Variants in RIMS3 observed in about 807,000 individuals in gnomAD.
RIMS3 encodes regulating synaptic membrane exocytosis protein 3.
A neutral mutation model predicts 29.2 loss-of-function variants in RIMS3; 15 were observed. The ratio of observed to expected loss-of-function variants is 0.51; its 90% CI spans 0.34 to 0.79. The LOEUF (loss-of-function observed/expected upper bound fraction) is 0.79. Among genes scored for constraint, RIMS3 ranks in the 30% least tolerant of loss-of-function variants. RIMS3 has a pLI of 0.01. For synonymous variants in RIMS3, 161 were observed against 170.1 expected, an observed-to-expected ratio of 0.95 and a Z score of 0.41; for missense variants, 342 against 421.4, an observed-to-expected ratio of 0.81 and a Z score of 1.65.
At chr1:40,641,159 CA>C (rs1177224365) in intron 3 of RIMS3, among the ~76,000 whole-genome samples, 3 of 152,000 alleles carry the variant, frequency 2.0e-5, no homozygotes, top group African/African-American at 7.3e-5. Flanking sequence ...TTTTTTAAAC[CA>C]GGGGGTCTCA....
the RIMS3 span, among the ~76,000 whole-genome samples, chr1:40,682,577 G>A: frequency 1.3e-5 from 2 of 151,842 alleles, no homozygotes; most frequent in African/African-American, 4.8e-5. Context: ...TTCTCTCCCT[G>A]CCTGGAGTCC....
At chr1:40,673,330 G>T in the RIMS3 span, 1 of 152,176 alleles carries the variant, frequency 6.6e-6, no homozygotes, top group Non-Finnish European at 1.5e-5. Flanking sequence ...CACTCTCAGA[G>T]TCCATTCCAG....
intron 2 of RIMS3, among the ~76,000 whole-genome samples, chr1:40,642,787 C>T (rs1646567080): frequency 3.0e-5 from 3 of 99,228 alleles, no homozygotes; most frequent in Admixed American, 3.0e-4. Flanking sequence ...GAAACCCCAT[C>T]TCTACTAAAA....
At chr1:40,651,089 T>C (rs1646629484) in intron 1 of RIMS3, among the ~76,000 whole-genome samples, 1 of 152,174 alleles carries the variant, frequency 6.6e-6, no homozygotes, top group East Asian at 1.9e-4. Flanking sequence ...CCCTTTGTAC[T>C]GTCCCTGTGT....
Position 40,652,655 on chromosome 1 carries a change from G to A in RIMS3, c.-206-4813C>T, listed in dbSNP as rs371661924. Among the ~76,000 whole-genome samples the A allele has an allele frequency of 9.2e-5, 14 of 152,338 alleles. No homozygotes were observed. In the East Asian group the frequency reaches 1.2e-3, roughly 13 times the overall value. On this transcript the variant is annotated intron_variant, in intron 1 of 7. Transcript: ENST00000372684. Reference sequence around the variant, plus strand: ...TTGGAGAGGAGGTAGGTACAACTGCGGAACAGAGGGCTGGAAAGATAGGCT... The same window carrying A: ...TTGGAGAGGAGGTAGGTACAACTGCAGAACAGAGGGCTGGAAAGATAGGCT...
intron 1 of RIMS3, among the ~76,000 whole-genome samples, chr1:40,657,936 AAAAAT>A (rs1294204593): frequency 1.3e-5 from 2 of 152,096 alleles, no homozygotes; most frequent in African/African-American, 4.8e-5. Context: ...TATGTTTTAA[AAAAAT>A]AAAATAAAAT....
the RIMS3 span, among the ~76,000 whole-genome samples, chr1:40,674,777 G>A: frequency 4.6e-5 from 7 of 152,284 alleles, no homozygotes; most frequent in South Asian, 1.5e-3. Context: ...ACAGCAAGAA[G>A]GCCCTTGCCA....
chr1:40,655,333 T>C (rs1013385003), intron 1 of RIMS3, among the ~76,000 whole-genome samples: 1 of 152,028 alleles, frequency 6.6e-6, no homozygotes, highest in African/African-American at 2.4e-5. Context: ...AGAAGAACTG[T>C]AGGGTATGCA....
chr1:40,628,709 T>C (rs1218765093), intron 7 of RIMS3, 101 bp downstream of exon 7: 2 of 1,494,450 alleles, frequency 1.3e-6, no homozygotes, highest in African/African-American at 2.8e-5. Flanking sequence ...TTAATGCACC[T>C]ACCACAGCAC....
chr1:40,688,354 A>G, the RIMS3 span, among the ~76,000 whole-genome samples: 1 of 152,214 alleles, frequency 6.6e-6, no homozygotes, highest in East Asian at 1.9e-4. Flanking sequence ...AGGTTCTGTT[A>G]TACAGTGCTA....
chr1:40,677,219 G>A, the RIMS3 span, among the ~76,000 whole-genome samples: 2 of 151,350 alleles, frequency 1.3e-5, no homozygotes, highest in Non-Finnish European at 2.9e-5. Flanking sequence ...TGGCCAGGCT[G>A]GTCTCGAACT....
At chr1:40,676,835 C>A in the RIMS3 span, among the ~76,000 whole-genome samples, 337 of 152,192 alleles carry the variant, frequency 2.2e-3, no homozygotes, top group Middle Eastern at 6.8e-3. Context: ...CACTTATCAT[C>A]TTACTTGATG....
the RIMS3 span, among the ~76,000 whole-genome samples, chr1:40,685,307 A>AAT: frequency 5.7e-5 from 1 of 17,684 alleles, no homozygotes; most frequent in East Asian, 1.0e-3. Flanking sequence ...TATATATATT[A>AAT]ATATATATAA....
intron 5 of RIMS3, among the ~76,000 whole-genome samples, chr1:40,630,863 A>G (rs1646484749): frequency 6.6e-6 from 1 of 152,190 alleles, no homozygotes; most frequent in African/African-American, 2.4e-5. Flanking sequence ...CAGCCCTAGA[A>G]TTGGATTTGG....
At position 40,622,550 on chromosome 1, in the gene RIMS3, G is replaced by C. The variant is rs912903568; in HGVS notation, c.*3967C>G. On this transcript the variant is annotated 3_prime_UTR_variant, in exon 8 of 8. Transcript: ENST00000372684. Reference sequence around the variant, plus strand: ...TCTGAGGAGTGGAAGAGAAAGGTAGGAGGAGGCAGGGAAGCAGGGCTCTTC... The same window carrying C: ...TCTGAGGAGTGGAAGAGAAAGGTAGCAGGAGGCAGGGAAGCAGGGCTCTTC... 2 of 152,370 alleles carry C rather than the reference G, an allele frequency of 1.3e-5. No homozygotes were observed. The highest frequency in any genetic ancestry group is 4.8e-5 in the African/African-American group (2 of 41,460). 9.4% of individuals were successfully genotyped at this position (152,370 alleles called of 1,614,324 possible). A position where few individuals can be genotyped will look rare whatever the true frequency, so the allele number is the denominator to read the frequency against.
chr1:40,659,009 T>A (rs1642312138), intron 1 of RIMS3, among the ~76,000 whole-genome samples: 1 of 152,064 alleles, frequency 6.6e-6, no homozygotes, highest in South Asian at 2.1e-4. Context: ...CCCAGTGCAG[T>A]GGGAGACAGC....
At chr1:40,646,535 A>G (rs996908967) in intron 2 of RIMS3, among the ~76,000 whole-genome samples, 71 of 152,210 alleles carry the variant, frequency 4.7e-4, no homozygotes, top group African/African-American at 1.4e-3. Flanking sequence ...AGGGAAGGAA[A>G]CCGTCCTATG....
At chr1:40,668,933 C>T (rs1439368463), upstream of RIMS3, among the ~76,000 whole-genome samples, 1 of 152,164 alleles carries the variant, frequency 6.6e-6, no homozygotes, top group Non-Finnish European at 1.5e-5. Context: ...GCTTCTCCTG[C>T]GGCGCTCTGG....
At chr1:40,650,944 C>A (rs1194839903) in intron 1 of RIMS3, among the ~76,000 whole-genome samples, 1 of 152,048 alleles carries the variant, frequency 6.6e-6, no homozygotes, top group Non-Finnish European at 1.5e-5. Context: ...TCTCTGCCCC[C>A]ACCCCCATGA....
Sources: allele counts gnomAD v4.1 joint callset (sites outside exome capture counted in the v4.1 genomes callset), GRCh38; gene constraint gnomAD v4.1.1; transcripts MANE v1.5; gene names NCBI Gene and HGNC (gene_info 2026-07-23, HGNC 2026-07-21).